ADCY1: variants seen among roughly 807,000 people sequenced by gnomAD.
The protein encoded by ADCY1 is adenylate cyclase type 1.
Under a neutral mutation model 105.4 loss-of-function variants are expected in ADCY1, and 28 were observed. The observed-to-expected ratio is 0.27, with a 90% CI of 0.20 to 0.36. The LOEUF (loss-of-function observed/expected upper bound fraction) is 0.36, where lower values mean the gene tolerates loss of function less well. Among genes scored for constraint, ADCY1 ranks in the 10% least tolerant of loss-of-function variants. The pLI, the probability that ADCY1 is intolerant of heterozygous loss-of-function variation, is 1.00. For synonymous variants in ADCY1, 655 were observed against 623.8 expected (o/e 1.05, Z -0.75); for missense variants, 977 against 1,434.2 (o/e 0.68, Z 5.15).
chr7:45,696,992 A>G (rs1276881496), intron 14 of ADCY1, among the ~76,000 whole-genome samples: 1 of 152,216 alleles, frequency 6.6e-6, no homozygotes, highest in African/African-American at 2.4e-5. Context: ...AGGAGGTGGT[A>G]TTGGACCAGG....
intron 1 of ADCY1, among the ~76,000 whole-genome samples, chr7:45,590,666 C>T (rs142252561): frequency 5.9e-5 from 9 of 152,220 alleles, no homozygotes; most frequent in South Asian, 2.1e-4. Flanking sequence ...GCTAAATGGC[C>T]GTGTTCAGGT....
At chr7:45,617,140 G>T (rs1037941057) in intron 3 of ADCY1, among the ~76,000 whole-genome samples, 2 of 152,240 alleles carry the variant, frequency 1.3e-5, no homozygotes, top group East Asian at 1.9e-4. Flanking sequence ...AGTGTGCATT[G>T]TTTTGGGATC....
intron 2 of ADCY1, among the ~76,000 whole-genome samples, chr7:45,601,040 T>G (rs2115819138): frequency 6.6e-6 from 1 of 152,318 alleles, no homozygotes; most frequent in Middle Eastern, 3.4e-3. Flanking sequence ...TTATTTTATT[T>G]CAAATAAAAG....
chr7:45,713,311 C>T (rs971715616), intron 19 of ADCY1, among the ~76,000 whole-genome samples: 1 of 152,208 alleles, frequency 6.6e-6, no homozygotes, highest in Non-Finnish European at 1.5e-5. Context: ...GACCCTGGTG[C>T]TAGGTCCCTA....
intron 2 of ADCY1, among the ~76,000 whole-genome samples, chr7:45,607,478 T>A (rs1793407736): frequency 6.6e-6 from 1 of 152,192 alleles, no homozygotes; most frequent in South Asian, 2.1e-4. Context: ...TGAGGGTACA[T>A]GTGCAGGTTT....
At chr7:45,681,084 G>C (rs1456804436) in intron 11 of ADCY1, among the ~76,000 whole-genome samples, 1 of 152,194 alleles carries the variant, frequency 6.6e-6, no homozygotes, top group Non-Finnish European at 1.5e-5. Context: ...GCAGGCTAAG[G>C]GATGTGCTCA....
chr7:45,605,861 A>G (rs759929822), intron 2 of ADCY1, among the ~76,000 whole-genome samples: 1 of 152,102 alleles, frequency 6.6e-6, no homozygotes, highest in Non-Finnish European at 1.5e-5. Flanking sequence ...AGCTTGTTCT[A>G]GTTCTTGGTA....
At chr7:45,649,467 A>G (rs375638130) in intron 5 of ADCY1, among the ~76,000 whole-genome samples, 6 of 152,302 alleles carry the variant, frequency 3.9e-5, no homozygotes, top group Admixed American at 6.5e-5. Context: ...GTATGCTCCA[A>G]TGAGATGGGG....
intron 14 of ADCY1, among the ~76,000 whole-genome samples, chr7:45,698,397 A>C (rs1232268723): frequency 1.3e-5 from 2 of 152,232 alleles, no homozygotes; most frequent in Non-Finnish European, 2.9e-5. Context: ...ATTTCTCCTC[A>C]TGAAGCCTTA....
chr7:45,667,448 G>A (rs1278766483), intron 8 of ADCY1, among the ~76,000 whole-genome samples: 1 of 152,132 alleles, frequency 6.6e-6, no homozygotes, highest in Non-Finnish European at 1.5e-5. Context: ...TAGATGTGTG[G>A]CATTATTTCT....
chr7:45,629,815 G>A (rs1239928107), intron 4 of ADCY1, among the ~76,000 whole-genome samples: 5 of 152,180 alleles, frequency 3.3e-5, no homozygotes, highest in African/African-American at 1.2e-4. Context: ...CACCGCGCCC[G>A]GCCGTATGCT....
At position 45,648,714 on chromosome 7, in the gene ADCY1, C is replaced by T; in HGVS notation, c.1065C>T (p.Tyr355=). 2 of 1,614,238 alleles carry T rather than the reference C, an allele frequency of 1.2e-6. No individual in the cohort carries two copies. Among genetic ancestry groups the T allele is most frequent in the Non-Finnish European group, 1.7e-6 (2 of 1,180,030 alleles). ...RRIKILGDCY[Y]CVSGLTQPKT... is the part of the protein sequence containing the mutation. Reference sequence around the variant, plus strand: ...TCAAGATTCTCGGGGACTGCTACTACTGCGTGTCGGGCCTCACCCAGCCCA... The same window carrying T: ...TCAAGATTCTCGGGGACTGCTACTATTGCGTGTCGGGCCTCACCCAGCCCA... Residue 355 remains tyrosine, a synonymous_variant, in exon 5 of 20, where the codon TAC becomes TAT. Coordinates refer to ENST00000297323, the MANE Select transcript of ADCY1 (RefSeq NM_021116.4).
At chr7:45,579,477 C>T (rs1434982024) in intron 1 of ADCY1, among the ~76,000 whole-genome samples, 1 of 152,148 alleles carries the variant, frequency 6.6e-6, no homozygotes, top group African/African-American at 2.4e-5. Context: ...CCTACTCCCC[C>T]ACGGACCCCT....
At position 45,706,828 on chromosome 7, in the gene ADCY1, A is replaced by G. The variant is rs1179206027; in HGVS notation, c.2818-1522A>G. The stretch of plus-strand genomic sequence containing the variant: ...CCTATCTGATAAAGGACTTGTATCT[A>G]TAGTACACAAAGAGCCATTACAATT... On this transcript the variant is annotated intron_variant, in intron 17 of 19. Coordinates refer to ENST00000297323, the MANE Select transcript of ADCY1 (RefSeq NM_021116.4). Among the ~76,000 whole-genome samples, 3 of 152,216 alleles carry G rather than the reference A, an allele frequency of 2.0e-5. No homozygotes were observed. The East Asian group carries it at 5.8e-4, about 29-fold the overall frequency.
chr7:45,679,263 C>G (rs1249610831), intron 10 of ADCY1, among the ~76,000 whole-genome samples: 1 of 152,238 alleles, frequency 6.6e-6, no homozygotes, highest in African/African-American at 2.4e-5. Context: ...GCCCAGCCCA[C>G]AGACACTGAA....
chr7:45,596,208 C>T lies in ADCY1; in HGVS notation c.789+3300C>T, dbSNP rs567110299. On this transcript the variant is annotated intron_variant, in intron 2 of 19. Coordinates refer to ENST00000297323, the MANE Select transcript of ADCY1 (RefSeq NM_021116.4). ...GCCTTACCATGTGGCTAGTCGTGAG[C>T]ATCTGCCTTTCATGTTTTAATTTCA... Among the ~76,000 whole-genome samples the T allele has an allele frequency of 4.6e-5, 7 of 152,388 alleles. No individual in the cohort carries two copies. In the South Asian group the frequency reaches 8.3e-4, roughly 18 times the overall value.
chr7:45,613,617 A>G (rs552861930), intron 3 of ADCY1, among the ~76,000 whole-genome samples: 37 of 152,270 alleles, frequency 2.4e-4, no homozygotes, highest in Middle Eastern at 6.8e-3. Context: ...TATACACACA[A>G]TGAAAATTTC....
chr7:45,651,747 C>T lies in ADCY1; in HGVS notation c.1148+2950C>T, dbSNP rs181829299. On this transcript the variant is annotated intron_variant, in intron 5 of 19. Transcript: ENST00000297323. ...AGACACTAATTTCAGTAATTGCCCA[C>T]TGACTTCCTCTTTTAATAGAGTCCT... Among the ~76,000 whole-genome samples, 468 of 152,336 alleles carry T rather than the reference C, an allele frequency of 3.1e-3. 1 individual carries two copies. The highest frequency in any genetic ancestry group is 7.8e-3 in the African/African-American group (325 of 41,586).
intron 8 of ADCY1, chr7:45,664,324 C>T: frequency 6.5e-7 from 1 of 1,536,196 alleles, no homozygotes. Context: ...GCCTGGATGT[C>T]CTCCTGGGGT....
Sources: allele counts gnomAD v4.1 joint callset (sites outside exome capture counted in the v4.1 genomes callset), GRCh38; gene constraint gnomAD v4.1.1; transcripts MANE v1.5; gene names NCBI Gene and HGNC (gene_info 2026-07-23, HGNC 2026-07-21).